FAM124A: variants seen among roughly 807,000 people sequenced by gnomAD.
FAM124A encodes the protein family with sequence similarity 124 member A.
Under a neutral mutation model 24.5 loss-of-function variants are expected in FAM124A, and 23 were observed. The ratio of observed to expected loss-of-function variants is 0.94; its 90% confidence interval spans 0.68 to 1.33. FAM124A has a LOEUF of 1.33. FAM124A is among the 40% of genes most tolerant of loss of function. FAM124A has a pLI of 0.00. For synonymous variants in FAM124A, 287 were observed against 314.7 expected (o/e 0.91, Z 0.93); for missense variants, 623 against 722.8 (o/e 0.86, Z 1.58).
chr13:51,254,618 A>G (rs1221684462), intron 3 of FAM124A, among the ~76,000 whole-genome samples: 1 of 151,620 alleles, frequency 6.6e-6, no homozygotes, highest in African/African-American at 2.4e-5. Context: ...GGCATGAAAG[A>G]CTCTTCCCAT....
intron 2 of FAM124A, among the ~76,000 whole-genome samples, chr13:51,250,596 G>C (rs944027414): frequency 7.9e-5 from 12 of 152,226 alleles, no homozygotes; most frequent in African/African-American, 2.4e-4. Context: ...AGATCACAGG[G>C]AGGGTAACCG....
At chr13:51,262,999 T>G (rs1954752126) in intron 3 of FAM124A, among the ~76,000 whole-genome samples, 1 of 152,250 alleles carries the variant, frequency 6.6e-6, no homozygotes, top group African/African-American at 2.4e-5. Context: ...CTGGGCCCAC[T>G]GTAGCCCCTG....
intron 2 of FAM124A, among the ~76,000 whole-genome samples, chr13:51,248,111 A>G (rs1954583065): frequency 6.6e-6 from 1 of 152,222 alleles, no homozygotes; most frequent in South Asian, 2.1e-4. Flanking sequence ...CCTTCACCTA[A>G]GCAACACAAA....
chr13:51,249,426 C>G (rs1313110090), intron 2 of FAM124A, among the ~76,000 whole-genome samples: 2 of 152,244 alleles, frequency 1.3e-5, no homozygotes, highest in African/African-American at 2.4e-5. Context: ...TGACTCCGCT[C>G]TTACCTTAGT....
chr13:51,256,395 C>A (rs151163341), intron 3 of FAM124A, among the ~76,000 whole-genome samples: 100 of 152,280 alleles, frequency 6.6e-4, no homozygotes, highest in African/African-American at 2.3e-3. Context: ...CTGCAACTAA[C>A]GGTTTTAAAT....
intron 3 of FAM124A, among the ~76,000 whole-genome samples, chr13:51,279,800 G>C (rs776208166): frequency 6.6e-6 from 1 of 152,182 alleles, no homozygotes; most frequent in Non-Finnish European, 1.5e-5. Context: ...GAAAGGTAAC[G>C]TATATAGAGG....
Position 51,231,368 on chromosome 13 carries a change from C to T in FAM124A, c.89C>T (p.Ser30Phe). 1 of 1,613,906 alleles carries T rather than the reference C, an allele frequency of 6.2e-7. No homozygotes were observed. The highest frequency in any genetic ancestry group is 1.1e-5 in the South Asian group (1 of 90,948). Reference protein sequence around the residue: ...ETGGSDYSHLSSTSSELSVEE... With the variant: ...ETGGSDYSHLFSTSSELSVEE... ...TTCAGGTCCGACTACAGCCACCTGT[C>T]CTCCACGAGCAGTAAGTATCTTTTA... Residue 30 changes from serine to phenylalanine, a missense_variant, in exon 2 of 4, where the codon TCC becomes TTC. Coordinates refer to ENST00000322475, the MANE Select transcript of FAM124A (RefSeq NM_001242312.2).
At chr13:51,268,059 CAG>C (rs1265875589) in intron 3 of FAM124A, among the ~76,000 whole-genome samples, 1 of 152,198 alleles carries the variant, frequency 6.6e-6, no homozygotes, top group African/African-American at 2.4e-5. Context: ...TGCTGACCTG[CAG>C]AGAGAAGGCC....
intron 2 of FAM124A, among the ~76,000 whole-genome samples, chr13:51,236,955 CT>C (rs1427199473): frequency 6.6e-6 from 1 of 152,132 alleles, no homozygotes; most frequent in Non-Finnish European, 1.5e-5. Flanking sequence ...TTTATTAATT[CT>C]CATAAAGAAC....
At chr13:51,264,924 A>G (rs1363771442) in intron 3 of FAM124A, among the ~76,000 whole-genome samples, 2 of 152,250 alleles carry the variant, frequency 1.3e-5, no homozygotes, top group East Asian at 3.8e-4. Context: ...TAGTAAAACA[A>G]TGATCCAAAG....
chr13:51,257,926 G>A (rs1227498813), intron 3 of FAM124A, among the ~76,000 whole-genome samples: 2 of 152,190 alleles, frequency 1.3e-5, no homozygotes, highest in African/African-American at 4.8e-5. Flanking sequence ...ACCACAAACT[G>A]GGTGGCTTAA....
At position 51,251,355 on chromosome 13, in the gene FAM124A, C is replaced by T; in HGVS notation, c.101-113C>T. On this transcript the variant is annotated intron_variant, in intron 2 of 3. Transcript: ENST00000322475. This position sits in a 1 kb window ranked among gnomAD's most constrained non-coding sequence, Gnocchi z 5.3. Reference sequence around the variant, plus strand: ...AAAATCACAGGTCATGGAGTCAGTTCAGTTAGAATTTGACTTCTCTTCCTG... The same window carrying T: ...AAAATCACAGGTCATGGAGTCAGTTTAGTTAGAATTTGACTTCTCTTCCTG... 1 of 1,307,590 alleles carries T rather than the reference C, an allele frequency of 7.6e-7. No homozygotes were observed. The highest frequency in any genetic ancestry group is 1.0e-6 in the Non-Finnish European group (1 of 995,402). 81.0% of individuals were successfully genotyped at this position (1,307,590 alleles called of 1,614,324 possible). A position where few individuals can be genotyped will look rare whatever the true frequency, so the allele number is the denominator to read the frequency against.
chr13:51,223,344 G>T (rs184680972), intron 1 of FAM124A, among the ~76,000 whole-genome samples: 1 of 152,098 alleles, frequency 6.6e-6, no homozygotes, highest in African/African-American at 2.4e-5. Flanking sequence ...CGTTATAAAG[G>T]CTTCCAGGCA....
chr13:51,231,458 A>G (rs1191186274), intron 2 of FAM124A, 79 bp downstream of exon 2: 4 of 1,461,306 alleles, frequency 2.7e-6, no homozygotes, highest in African/African-American at 1.4e-5. Flanking sequence ...ATGTGTGTAC[A>G]TGGTTTTATA....
At chr13:51,255,641 T>C (rs1954667267) in intron 3 of FAM124A, among the ~76,000 whole-genome samples, 1 of 152,208 alleles carries the variant, frequency 6.6e-6, no homozygotes, top group African/African-American at 2.4e-5. Context: ...GCATCTCACA[T>C]GCTCAGTGGT....
At chr13:51,241,376 T>G (rs970281147) in intron 2 of FAM124A, among the ~76,000 whole-genome samples, 11 of 152,336 alleles carry the variant, frequency 7.2e-5, no homozygotes, top group African/African-American at 2.6e-4. Flanking sequence ...GCTTCTCAGT[T>G]AGATTTTAAG....
At chr13:51,246,063 A>G (rs553120458) in intron 2 of FAM124A, among the ~76,000 whole-genome samples, 17 of 152,326 alleles carry the variant, frequency 1.1e-4, no homozygotes, top group African/African-American at 4.1e-4. Context: ...CAAATGAAAA[A>G]GAATCTCCCT....
At chr13:51,256,555 G>A (rs1189110320) in intron 3 of FAM124A, among the ~76,000 whole-genome samples, 3 of 152,266 alleles carry the variant, frequency 2.0e-5, no homozygotes, top group Middle Eastern at 3.4e-3. Flanking sequence ...CATGCAGCAA[G>A]GAGATTGACT....
intron 3 of FAM124A, chr13:51,252,452 T>G: frequency 1.8e-6 from 1 of 566,260 alleles, no homozygotes; most frequent in South Asian, 2.7e-5. Flanking sequence ...CAGCTGCCCC[T>G]TCTGTCCTCC....
Sources: allele counts gnomAD v4.1 joint callset (sites outside exome capture counted in the v4.1 genomes callset), GRCh38; gene constraint gnomAD v4.1.1; non-coding constraint Gnocchi (gnomAD v3.1); transcripts MANE v1.5; gene names NCBI Gene and HGNC (gene_info 2026-07-23, HGNC 2026-07-21).